The following CXADR variants were observed in gnomAD, a reference collection of about 807,000 sequenced individuals.
CXADR encodes CXADR cell adhesion molecule.
In CXADR, 20 loss-of-function variants were observed where a neutral mutation model predicts 40.3. The ratio of observed to expected loss-of-function variants is 0.50; its 90% confidence interval spans 0.35 to 0.72. The LOEUF is 0.72. CXADR is among the 30% of genes least tolerant of loss of function. The pLI is 0.01. For synonymous variants in CXADR, 150 were observed against 161.3 expected (o/e 0.93, Z 0.53); for missense variants, 332 against 449.1 (o/e 0.74, Z 2.36).
exon 8 of CXADR, chr21:17,593,265 T>C: frequency 7.8e-7 from 1 of 1,283,178 alleles, no homozygotes; most frequent in Non-Finnish European, 1.0e-6. Context: ...AAGACTTAAA[T>C]GTTTTTTAAA....
intron 7 of CXADR, among the ~76,000 whole-genome samples, chr21:17,581,393 T>C (rs1047872810): frequency 1.4e-4 from 21 of 152,340 alleles, no homozygotes; most frequent in African/African-American, 4.3e-4. Flanking sequence ...TGGCAGCTTA[T>C]GCTTTCAATA....
chr21:17,571,997 A>T (rs1569146628), downstream of CXADR, among the ~76,000 whole-genome samples: 6 of 152,154 alleles, frequency 3.9e-5, no homozygotes, highest in South Asian at 1.0e-3. Flanking sequence ...ACCTATGGAC[A>T]CTGGGGACAA....
chr21:17,561,748 A>C (rs1364260760), intron 6 of CXADR, among the ~76,000 whole-genome samples: 2 of 152,224 alleles, frequency 1.3e-5, no homozygotes, highest in African/African-American at 4.8e-5. Context: ...CTTCTTGAGA[A>C]GAATCCCTGC....
At chr21:17,525,312 A>G (rs986363234) in intron 1 of CXADR, among the ~76,000 whole-genome samples, 1 of 152,240 alleles carries the variant, frequency 6.6e-6, no homozygotes, top group African/African-American at 2.4e-5. Context: ...TTTAAGAAGA[A>G]ACAACATAAC....
rs774666689 is a variant in CXADR at position 17,551,813 on chromosome 21, A to G, written c.275A>G (p.His92Arg). The change falls in exon 3 of 7, where the codon CAT (histidine) becomes CGT (arginine). Residue 92 changes from histidine (H) to arginine (R), a missense_variant. Around this residue, in one of 3 missense-constraint regions of CXADR, gnomAD observed 162 missense variants for 198.5 expected, o/e 0.82. Coordinates refer to ENST00000284878, the MANE Select transcript of CXADR (RefSeq NM_001338.5). ...DYYPDLKGRV[H>R]FTSNDLKSGD... The stretch of plus-strand genomic sequence containing the variant: ...TATCCAGATCTGAAAGGCCGAGTAC[A>G]TTTTACGAGTAATGATCTCAAATCT... 2.5e-6 allele frequency: 4 copies of G among 1,613,872 alleles called. No individual in the cohort carries two copies. In the East Asian group the frequency reaches 6.7e-5, roughly 27 times the overall value.
chr21:17,530,364 A>T (rs551591015), intron 1 of CXADR: 1 of 448,236 alleles, frequency 2.2e-6, no homozygotes. Flanking sequence ...TTTTTGTCTT[A>T]TTTTACTTCT....
chr21:17,626,418 A>G, the CXADR span, among the ~76,000 whole-genome samples: 3 of 152,216 alleles, frequency 2.0e-5, no homozygotes, highest in Non-Finnish European at 2.9e-5. Flanking sequence ...TAAATTACCA[A>G]TTACTCAATC....
intron 5 of CXADR, 81 bp from the exon 6 acceptor site, chr21:17,561,257 T>A: frequency 1.2e-6 from 1 of 815,918 alleles, no homozygotes; most frequent in Non-Finnish European, 1.8e-6. Flanking sequence ...ATGAAATCAA[T>A]CTAAAAATGT....
chr21:17,575,914 C>A (rs62239944), intron 7 of CXADR, among the ~76,000 whole-genome samples: 71,637 of 150,460 alleles, frequency 0.48, 20,565 homozygotes, highest in Non-Finnish European at 0.63. Flanking sequence ...ATGGTGAAAC[C>A]CTGTCTCTAC....
the CXADR span, among the ~76,000 whole-genome samples, chr21:17,619,193 C>T: frequency 6.6e-6 from 1 of 152,076 alleles, no homozygotes; most frequent in African/African-American, 2.4e-5. Flanking sequence ...CTGACTTCAA[C>T]TTAAAGTCAC....
intron 1 of CXADR, among the ~76,000 whole-genome samples, chr21:17,533,451 A>AT (rs1324794385): frequency 6.6e-6 from 1 of 152,188 alleles, no homozygotes; most frequent in African/African-American, 2.4e-5. Context: ...TTACTGTTGT[A>AT]TGATGTTCGT....
chr21:17,570,856 G>A (rs1343666727), downstream of CXADR, among the ~76,000 whole-genome samples: 1 of 152,204 alleles, frequency 6.6e-6, no homozygotes, highest in East Asian at 1.9e-4. Context: ...TAAGAAGCAT[G>A]TTGAGGAATA....
At chr21:17,531,939 T>TG (rs1481933907) in intron 1 of CXADR, among the ~76,000 whole-genome samples, 1 of 148,734 alleles carries the variant, frequency 6.7e-6, no homozygotes, top group Non-Finnish European at 1.5e-5. Context: ...TTTTTTGGGT[T>TG]TTTTTTTTTT....
chr21:17,579,717 T>C (rs1322145364), intron 7 of CXADR, among the ~76,000 whole-genome samples: 1 of 152,164 alleles, frequency 6.6e-6, no homozygotes, highest in African/African-American at 2.4e-5. Context: ...GAGAAGAGGC[T>C]TAGAACACAG....
chr21:17,590,989 T>TCTAA (rs2061430927), intron 7 of CXADR, among the ~76,000 whole-genome samples: 1 of 152,092 alleles, frequency 6.6e-6, no homozygotes, highest in Non-Finnish European at 1.5e-5. Flanking sequence ...AAAGATTTAT[T>TCTAA]AGTGGTTAAT....
the CXADR span, among the ~76,000 whole-genome samples, chr21:17,610,560 T>A: frequency 6.6e-5 from 10 of 152,308 alleles, no homozygotes; most frequent in African/African-American, 2.4e-4. Flanking sequence ...TTAAAAATGG[T>A]ATATCTGATT....
chr21:17,585,496 C>T (rs9808661), intron 7 of CXADR, among the ~76,000 whole-genome samples: 10,337 of 151,982 alleles, frequency 0.068, 408 homozygotes, highest in Middle Eastern at 0.11. Context: ...TTCCAATGAT[C>T]TGTCTTTGTG....
At chr21:17,537,527 A>G (rs1374216878) in intron 1 of CXADR, among the ~76,000 whole-genome samples, 2 of 152,152 alleles carry the variant, frequency 1.3e-5, no homozygotes, top group Non-Finnish European at 2.9e-5. Context: ...CTAACTCATA[A>G]TTCATAGCTC....
chr21:17,594,103 G>A, downstream of CXADR: 1 of 1,612,858 alleles, frequency 6.2e-7, no homozygotes, highest in Non-Finnish European at 8.5e-7. Context: ...TTAGTGAGGT[G>A]CTAACATGTG....
Sources: gnomAD v4.1 joint callset for allele counts (sites outside exome capture counted in the v4.1 genomes callset) on GRCh38, gnomAD v4.1.1 for gene constraint, gnomAD v4.1.1 regional missense constraint, MANE v1.5 for transcripts, NCBI Gene and HGNC (gene_info 2026-07-23, HGNC 2026-07-21) for gene names.